The following ABL2 variants were observed in gnomAD, a reference collection of about 807,000 sequenced individuals.
ABL2 encodes tyrosine-protein kinase ABL2.
In ABL2, 49 loss-of-function variants were observed where a neutral mutation model predicts 107.7. The observed-to-expected ratio is 0.45, with a 90% CI of 0.36 to 0.58. ABL2 has a LOEUF of 0.58. ABL2 is among the 20% of genes least tolerant of loss of function. The pLI, the probability that ABL2 is intolerant of heterozygous loss-of-function variation, is 0.00. For missense variants in ABL2, 1,245 were observed against 1,457.0 expected, an observed-to-expected ratio of 0.85 and a Z score of 2.37; for synonymous variants, 549 against 548.6, an observed-to-expected ratio of 1.00 and a Z score of -0.01.
intron 1 of ABL2, among the ~76,000 whole-genome samples, chr1:179,160,105 C>T (rs1276793414): frequency 6.6e-6 from 1 of 152,174 alleles, no homozygotes; most frequent in African/African-American, 2.4e-5. Context: ...CAGAGTGAGA[C>T]TCCACCTCAA....
chr1:179,176,415 C>G (rs1278092602), intron 1 of ABL2, among the ~76,000 whole-genome samples: 1 of 152,074 alleles, frequency 6.6e-6, no homozygotes, highest in African/African-American at 2.4e-5. Flanking sequence ...TAACAGGATA[C>G]TCTATTATAC....
At chr1:179,112,526 G>A (rs960616330) in intron 9 of ABL2, 128 bp from the exon 10 acceptor site, 6 of 639,014 alleles carry the variant, frequency 9.4e-6, no homozygotes, top group Non-Finnish European at 1.6e-5. Context: ...TGTTCACAAT[G>A]ATAGCAACAT....
chr1:179,137,980 G>C (rs184295448), intron 1 of ABL2: 1 of 152,378 alleles, frequency 6.6e-6, no homozygotes, highest in Admixed American at 6.5e-5. Context: ...GGTGGTGCCA[G>C]CTCCTCCCAT....
intron 9 of ABL2, among the ~76,000 whole-genome samples, chr1:179,113,853 C>A (rs1654343320): frequency 6.6e-6 from 1 of 151,650 alleles, no homozygotes. Flanking sequence ...AGAATGGCAT[C>A]AACCCGAGAG....
chr1:179,146,082 A>G (rs1184446430), intron 1 of ABL2, among the ~76,000 whole-genome samples: 2 of 152,016 alleles, frequency 1.3e-5, no homozygotes, highest in African/African-American at 4.8e-5. Context: ...TTTAGTAGAG[A>G]TGGGGTTTTG....
At chr1:179,111,281 CTTTTTT>C (rs748453531) in intron 10 of ABL2, among the ~76,000 whole-genome samples, 6 of 82,268 alleles carry the variant, frequency 7.3e-5, no homozygotes, top group African/African-American at 3.2e-4. Flanking sequence ...AGTGCTCAGT[CTTTTTT>C]TTTTTTTTTT....
chr1:179,201,289 C>T (rs149248201), intron 1 of ABL2, among the ~76,000 whole-genome samples: 3 of 152,130 alleles, frequency 2.0e-5, no homozygotes, highest in South Asian at 2.1e-4. Flanking sequence ...CAAAATGCAC[C>T]CCCATTTCCT....
intron 1 of ABL2, among the ~76,000 whole-genome samples, chr1:179,164,593 A>G (rs188753779): frequency 1.1e-4 from 17 of 152,298 alleles, no homozygotes; most frequent in Non-Finnish European, 1.6e-4. Flanking sequence ...CCCAAACTCA[A>G]TGTTGCTAGC....
At chr1:179,229,192 C>CCCCCCCCCCCCCCCCCCCCCCCCCCCCCA in intron 1 of ABL2, 49 bp downstream of exon 1, 2 of 1,106,990 alleles carry the variant, frequency 1.8e-6, no homozygotes, top group Admixed American at 3.4e-5. Context: ...GCCCCGACCC[C>CCCCCCCCCCCCCCCCCCCCCCCCCCCCCA]ACCCCCGGCC....
At chr1:179,124,526 T>C (rs1312433330) in intron 4 of ABL2, among the ~76,000 whole-genome samples, 2 of 142,176 alleles carry the variant, frequency 1.4e-5, no homozygotes, top group African/African-American at 5.4e-5. Context: ...TGGAGTGCAG[T>C]GGCACGATCT....
At chr1:179,112,818 G>C (rs1419254970) in intron 9 of ABL2, among the ~76,000 whole-genome samples, 1 of 151,510 alleles carries the variant, frequency 6.6e-6, no homozygotes, top group Non-Finnish European at 1.5e-5. Context: ...GCAGTGGCGC[G>C]ATCTCGGTTC....
chr1:179,172,633 T>C (rs1659786683), intron 1 of ABL2, among the ~76,000 whole-genome samples: 1 of 152,208 alleles, frequency 6.6e-6, no homozygotes, highest in Non-Finnish European at 1.5e-5. Context: ...CTTCATAGGA[T>C]ACAGAGTTAA....
chr1:179,181,971 T>C (rs143554138), intron 1 of ABL2, among the ~76,000 whole-genome samples: 4 of 128,584 alleles, frequency 3.1e-5, no homozygotes, highest in African/African-American at 1.2e-4. Context: ...TTTTTTTTTG[T>C]ATTTTTAGTA....
chr1:179,229,139 T>A (rs1663396188), intron 1 of ABL2, 102 bp downstream of exon 1: 1 of 1,356,794 alleles, frequency 7.4e-7, no homozygotes, highest in South Asian at 1.5e-5. Context: ...TCAGGCACCT[T>A]CCACCCTCCG....
At chr1:179,129,289 C>G (rs1656050679) in intron 3 of ABL2, among the ~76,000 whole-genome samples, 1 of 152,132 alleles carries the variant, frequency 6.6e-6, no homozygotes, top group Non-Finnish European at 1.5e-5. Context: ...GAAAACATAC[C>G]TATGAAAGAA....
intron 1 of ABL2, among the ~76,000 whole-genome samples, chr1:179,210,233 C>T (rs758578335): frequency 6.6e-5 from 10 of 152,076 alleles, no homozygotes; most frequent in East Asian, 5.8e-4. Context: ...CGGCCAGGTG[C>T]GGTGGCTCAT....
intron 1 of ABL2, among the ~76,000 whole-genome samples, chr1:179,145,670 A>G (rs1344338796): frequency 1.3e-5 from 2 of 152,178 alleles, no homozygotes; most frequent in Non-Finnish European, 2.9e-5. Context: ...TGAGTAGACA[A>G]TGTAGCAAGT....
chr1:179,229,588 C>A lies in ABL2; in HGVS notation c.-191G>T, dbSNP rs1231901289. On this transcript the variant is annotated 5_prime_UTR_variant, in exon 1 of 12. Transcript: ENST00000502732. ...CGCCGCGCTGCCTCCAGGCGACTCA[C>A]AGATTCTGCTTTTCCCTCCTCCTGT... 3.0e-5 allele frequency: 17 copies of A among 574,838 alleles called. No homozygotes were observed. In the Admixed American group the frequency reaches 6.9e-4, roughly 23 times the overall value. 35.6% of individuals were successfully genotyped at this position (574,838 alleles called of 1,614,324 possible). A position where few individuals can be genotyped will look rare whatever the true frequency, so the allele number is the denominator to read the frequency against.
chr1:179,198,297 CAATT>C (rs1661442638), intron 1 of ABL2, among the ~76,000 whole-genome samples: 1 of 151,676 alleles, frequency 6.6e-6, no homozygotes, highest in Non-Finnish European at 1.5e-5. Flanking sequence ...AAAATGTTGA[CAATT>C]AGGGAATCTA....
Sources: gnomAD v4.1 joint callset for allele counts (sites outside exome capture counted in the v4.1 genomes callset) on GRCh38, gnomAD v4.1.1 for gene constraint, MANE v1.5 for transcripts, NCBI Gene and HGNC (gene_info 2026-07-23, HGNC 2026-07-21) for gene names.